The following CNTNAP2 variants were observed in gnomAD, a reference collection of about 807,000 sequenced individuals.
CNTNAP2 encodes the protein contactin-associated protein-like 2.
A neutral mutation model predicts 155.2 loss-of-function variants in CNTNAP2; 98 were observed. That is an observed-to-expected ratio of 0.63 (90% CI 0.54 to 0.75). CNTNAP2 has a LOEUF of 0.75. Among genes scored for constraint, CNTNAP2 ranks in the 30% least tolerant of loss-of-function variants. The pLI, the probability that CNTNAP2 is intolerant of heterozygous loss-of-function variation, is 0.00. For missense variants in CNTNAP2, 1,727 were observed against 1,688.1 expected, an observed-to-expected ratio of 1.02 and a Z score of -0.40; for synonymous variants, 651 against 631.2, an observed-to-expected ratio of 1.03 and a Z score of -0.47.
chr7:147,399,583 C>G (rs1386045488), intron 10 of CNTNAP2, among the ~76,000 whole-genome samples: 2 of 152,064 alleles, frequency 1.3e-5, no homozygotes, highest in African/African-American at 2.4e-5. Flanking sequence ...ACTGGGAAGA[C>G]TAGTTGTAGA....
At chr7:146,453,942 G>A (rs1288450236) in intron 1 of CNTNAP2, among the ~76,000 whole-genome samples, 2 of 152,002 alleles carry the variant, frequency 1.3e-5, no homozygotes, top group Non-Finnish European at 2.9e-5. Flanking sequence ...GGGTGGAGAA[G>A]CAGGAGAAAT....
At chr7:147,361,781 T>C (rs1796151520) in intron 9 of CNTNAP2, among the ~76,000 whole-genome samples, 1 of 152,186 alleles carries the variant, frequency 6.6e-6, no homozygotes, top group Admixed American at 6.5e-5. Context: ...TCTTATTGAG[T>C]AAGATAAACT....
At chr7:147,581,891 G>A (rs1442884696) in intron 12 of CNTNAP2, among the ~76,000 whole-genome samples, 1 of 151,912 alleles carries the variant, frequency 6.6e-6, no homozygotes, top group African/African-American at 2.4e-5. Flanking sequence ...CAATAGTAAG[G>A]GCCTGCCTAT....
At chr7:147,517,659 G>C (rs1169094007) in intron 11 of CNTNAP2, among the ~76,000 whole-genome samples, 2 of 152,150 alleles carry the variant, frequency 1.3e-5, no homozygotes, top group African/African-American at 4.8e-5. Flanking sequence ...ATGTAAATAA[G>C]ACTACAGCAC....
chr7:146,232,961 A>G (rs990073981), intron 1 of CNTNAP2, among the ~76,000 whole-genome samples: 3 of 152,124 alleles, frequency 2.0e-5, no homozygotes, highest in African/African-American at 7.2e-5. Context: ...CCATTTAATT[A>G]TTCCATCTCT....
intron 15 of CNTNAP2, among the ~76,000 whole-genome samples, chr7:147,993,883 T>TC (rs1220134925): frequency 1.3e-5 from 2 of 151,366 alleles, no homozygotes; most frequent in Non-Finnish European, 2.9e-5. Flanking sequence ...CCTGTTTCCT[T>TC]CCCCCTTCAC....
intron 1 of CNTNAP2, among the ~76,000 whole-genome samples, chr7:146,228,960 T>C (rs1799338717): frequency 6.6e-6 from 1 of 152,200 alleles, no homozygotes; most frequent in Admixed American, 6.5e-5. Context: ...TATGTAATTA[T>C]CTTTCGAATC....
chr7:148,381,696 A>C (rs1799062042), intron 21 of CNTNAP2: 1 of 152,240 alleles, frequency 6.6e-6, no homozygotes, highest in Non-Finnish European at 1.5e-5. Context: ...GTAAGTTCTC[A>C]CTTTGGGCTG....
At chr7:146,215,074 G>A (rs1011507813) in intron 1 of CNTNAP2, among the ~76,000 whole-genome samples, 4 of 152,106 alleles carry the variant, frequency 2.6e-5, no homozygotes, top group Non-Finnish European at 5.9e-5. Context: ...TCATGTCACA[G>A]ATACATAAAT....
At chr7:147,739,613 A>G (rs1307374525) in intron 13 of CNTNAP2, among the ~76,000 whole-genome samples, 1 of 152,044 alleles carries the variant, frequency 6.6e-6, no homozygotes, top group Admixed American at 6.6e-5. Context: ...TATTTCAGAG[A>G]AAATCATCCT....
At chr7:146,171,997 ATTTC>A (rs991686976) in intron 1 of CNTNAP2, among the ~76,000 whole-genome samples, 5 of 105,686 alleles carry the variant, frequency 4.7e-5, no homozygotes, top group African/African-American at 6.8e-5. Context: ...TTGTACCTTT[ATTTC>A]TTCTACAAAT....
chr7:147,256,464 G>GTT (rs1804330586), intron 8 of CNTNAP2, among the ~76,000 whole-genome samples: 1 of 152,180 alleles, frequency 6.6e-6, no homozygotes, highest in African/African-American at 2.4e-5. Flanking sequence ...CAATATGCGG[G>GTT]TGTTAAATGT....
intron 1 of CNTNAP2, among the ~76,000 whole-genome samples, chr7:146,334,323 C>T (rs1322742428): frequency 6.6e-6 from 1 of 150,872 alleles, no homozygotes; most frequent in Non-Finnish European, 1.5e-5. Context: ...CCCAGCTACT[C>T]GGGAGGCTGA....
chr7:146,265,190 TACATAATACCATTATG>T (rs1210574623), intron 1 of CNTNAP2, among the ~76,000 whole-genome samples: 2 of 152,346 alleles, frequency 1.3e-5, no homozygotes, highest in African/African-American at 2.4e-5. Flanking sequence ...ATAACTATCA[TACATAATACCATTATG>T]ACATAATACC....
At chr7:147,083,985 T>C (rs1370118362) in intron 4 of CNTNAP2, among the ~76,000 whole-genome samples, 1 of 132,020 alleles carries the variant, frequency 7.6e-6, no homozygotes, top group Non-Finnish European at 1.5e-5. Context: ...TACACATATA[T>C]GTATATATAA....
At chr7:146,231,786 G>A (rs1292249245) in intron 1 of CNTNAP2, among the ~76,000 whole-genome samples, 1 of 152,144 alleles carries the variant, frequency 6.6e-6, no homozygotes, top group Non-Finnish European at 1.5e-5. Context: ...ACCTATCGCA[G>A]CCATTTATCC....
intron 1 of CNTNAP2, among the ~76,000 whole-genome samples, chr7:146,153,776 A>G (rs970643470): frequency 6.6e-5 from 10 of 152,206 alleles, no homozygotes; most frequent in African/African-American, 2.4e-4. Flanking sequence ...CTTGATGTAG[A>G]CACATTACAT....
Position 148,142,439 on chromosome 7 carries a change from A to G in CNTNAP2, c.2555-5052A>G, listed in dbSNP as rs528320522. Among the ~76,000 whole-genome samples the G allele has an allele frequency of 2.0e-5, 3 of 152,324 alleles. No individual in the cohort carries two copies. In the East Asian group the frequency reaches 5.8e-4, roughly 29 times the overall value. ...AAAGATATTGATAACACTGTTCACC[A>G]TAGAGTGAGGCTGAAATATCTGTTC... On this transcript the variant is annotated intron_variant, in intron 16 of 23. Transcript: ENST00000361727.
At chr7:146,661,015 G>GT (rs1800078195) in intron 1 of CNTNAP2, among the ~76,000 whole-genome samples, 1 of 152,126 alleles carries the variant, frequency 6.6e-6, no homozygotes, top group African/African-American at 2.4e-5. Flanking sequence ...GCCCAGCTTT[G>GT]TTTTTTGGCC....
Sources: allele counts gnomAD v4.1 joint callset (sites outside exome capture counted in the v4.1 genomes callset), GRCh38; gene constraint gnomAD v4.1.1; transcripts MANE v1.5; gene names NCBI Gene and HGNC (gene_info 2026-07-23, HGNC 2026-07-21).